The following DNAH17 variants were observed in gnomAD, a reference collection of about 807,000 sequenced individuals.
The protein encoded by DNAH17 is axonemal beta dynein heavy chain 17.
Under a neutral mutation model 485.6 loss-of-function variants are expected in DNAH17, and 376 were observed. That is an observed-to-expected ratio of 0.77 (90% CI 0.71 to 0.84). The LOEUF is 0.84. Among genes scored for constraint, DNAH17 ranks in the 40% least tolerant of loss-of-function variants. The pLI is 0.00. For synonymous variants in DNAH17, 3,031 were observed against 2,405.9 expected (o/e 1.26, Z -7.60); for missense variants, 6,370 against 5,839.3 (o/e 1.09, Z -2.96).
chr17:78,516,549 G>A (rs970995744), intron 25 of DNAH17, among the ~76,000 whole-genome samples: 14 of 152,164 alleles, frequency 9.2e-5, no homozygotes, highest in African/African-American at 3.4e-4. Flanking sequence ...AATTAGCCGG[G>A]CGTGATGGCA....
chr17:78,509,714 G>C (rs5010160), intron 27 of DNAH17, among the ~76,000 whole-genome samples: 91,974 of 150,484 alleles, frequency 0.61, 28,356 homozygotes, highest in African/African-American at 0.67. Flanking sequence ...CAACCCTCCC[G>C]TCAGCTGCGG....
rs753651389 is a variant in DNAH17 at position 78,460,033 on chromosome 17, G to A, written c.9436-32C>T. On this transcript the variant is annotated intron_variant, in intron 59 of 80. Transcript: ENST00000389840. ...ATGACAGACGGGATGGGTCCGATGG[G>A]AGTTTGGACCGGGTCCTCGGTGATG... 2.4e-5 allele frequency: 39 copies of A among 1,609,754 alleles called. No individual in the cohort carries two copies. In the Admixed American group the frequency reaches 6.2e-4, roughly 26 times the overall value.
At chr17:78,522,989 G>A (rs2090972696) in intron 25 of DNAH17, among the ~76,000 whole-genome samples, 1 of 152,004 alleles carries the variant, frequency 6.6e-6, no homozygotes, top group South Asian at 2.1e-4. Flanking sequence ...GAGTAGCTGG[G>A]ATCACAAGTG....
Position 78,426,481 on chromosome 17 carries a change from G to A in DNAH17, c.12891C>T (p.Tyr4297=), listed in dbSNP as rs141279735. 509 of 1,610,492 alleles carry A rather than the reference G, an allele frequency of 3.2e-4. 2 individuals carry two copies. In the African/African-American group the frequency reaches 5.1e-3, roughly 16 times the overall value. The change falls in exon 79 of 81, where the codon TAC becomes TAT. Residue 4297 remains tyrosine (Y), a synonymous_variant. Coordinates refer to ENST00000389840, the MANE Select transcript of DNAH17 (RefSeq NM_173628.4). ...YPSMMGLAAW[Y]ADLLLRIREL... ...CCCTGATGCGGAGCAGCAGGTCTGCGTACCAGGCCGCCAGGCCCATCATGG... is the reference window on the plus strand; with the variant it reads ...CCCTGATGCGGAGCAGCAGGTCTGCATACCAGGCCGCCAGGCCCATCATGG...
chr17:78,424,422 C>G (rs945319849), intron 80 of DNAH17: 1 of 422,804 alleles, frequency 2.4e-6, no homozygotes, highest in Admixed American at 3.9e-5. Flanking sequence ...TTCAGAGCCT[C>G]ATCTGTCAGC....
At chr17:78,559,021 T>A (rs1410111860) in intron 13 of DNAH17, among the ~76,000 whole-genome samples, 1 of 152,202 alleles carries the variant, frequency 6.6e-6, no homozygotes. Context: ...TTTGATAATC[T>A]CAAGATGTCC....
At chr17:78,548,576 TGA>T (rs1316941738) in intron 16 of DNAH17, among the ~76,000 whole-genome samples, 1 of 152,232 alleles carries the variant, frequency 6.6e-6, no homozygotes, top group African/African-American at 2.4e-5. Flanking sequence ...TGTGTTTTTC[TGA>T]GATATCTAAA....
At chr17:78,493,620 G>T (rs11077374) in intron 41 of DNAH17, among the ~76,000 whole-genome samples, 35,663 of 152,166 alleles carry the variant, frequency 0.23, 4,451 homozygotes, top group South Asian at 0.29. Flanking sequence ...TGGGCCTCTG[G>T]CCGGACACTT....
In DNAH17 at chr17:78,444,721, A is replaced by G. The variant is rs764011279; in HGVS notation, c.11411T>C (p.Val3804Ala). 2 of 1,606,120 alleles carry G rather than the reference A, an allele frequency of 1.2e-6. No homozygotes were observed. The highest frequency in any genetic ancestry group is 1.1e-5 in the South Asian group (1 of 90,812). Residue 3804 changes from valine (V) to alanine (A), a missense_variant, in exon 71 of 81, where the codon GTG becomes GCG. Coordinates refer to ENST00000389840, the MANE Select transcript of DNAH17 (RefSeq NM_173628.4). ...CTCCTTCTCGGGGGCTTCCGACTCC[A>G]CCAGCTTTTTCCAGCGCTTGGCAGA... ...EGSAKRWKKL[V>A]ESEAPEKEIF... is the part of the protein sequence containing the mutation.
intron 1 of DNAH17, among the ~76,000 whole-genome samples, chr17:78,576,672 C>T (rs745922500): frequency 7.2e-5 from 11 of 152,128 alleles, no homozygotes; most frequent in Admixed American, 1.3e-4. Context: ...TTGGAAGTCT[C>T]GCCAAGCTGG....
In DNAH17 at chr17:78,514,998, T is replaced by C. The variant is rs1296703098; in HGVS notation, c.3889A>G (p.Lys1297Glu). Reference sequence around the variant, plus strand: ...TTGATATCTTTCCACTTGGTGGTCTTCCAGTCCTCGATGCTGGTATTTACC... The same window carrying C: ...TTGATATCTTTCCACTTGGTGGTCTCCCAGTCCTCGATGCTGGTATTTACC... ...VVVNTSIEDW[K>E]TTKWKDINVE... Residue 1297 changes from lysine to glutamate, a missense_variant, in exon 26 of 81, where the codon AAG becomes GAG. Physicochemically the swap from Lys to Glu is moderately conservative, Grantham distance 56. Coordinates refer to ENST00000389840, the MANE Select transcript of DNAH17 (RefSeq NM_173628.4). 1 of 1,613,924 alleles carries C rather than the reference T, an allele frequency of 6.2e-7. No homozygotes were observed. Among genetic ancestry groups the C allele is most frequent in the Non-Finnish European group, 8.5e-7 (1 of 1,179,904 alleles).
At chr17:78,454,319 A>G (rs2087692115) in intron 64 of DNAH17, 151 bp downstream of exon 64, 1 of 622,258 alleles carries the variant, frequency 1.6e-6, no homozygotes, top group Non-Finnish European at 2.8e-6. Flanking sequence ...TTCATTCTTT[A>G]CTACTGCTGC....
At position 78,433,218 on chromosome 17, in the gene DNAH17, C is replaced by T. The variant is rs118043453; in HGVS notation, c.12225+811G>A. Among the ~76,000 whole-genome samples, 1,206 of 152,298 alleles carry T rather than the reference C, an allele frequency of 7.9e-3. 7 individuals are homozygous for T. Among genetic ancestry groups the T allele is most frequent in the South Asian group, 0.031 (149 of 4,826 alleles). ...CCAGGCTTAGCCTGAGTCAAAGCTT[C>T]GTAAGAACCGTGCGTGGTGAGCACT... On this transcript the variant is annotated intron_variant, in intron 75 of 80. Coordinates refer to ENST00000389840, the MANE Select transcript of DNAH17 (RefSeq NM_173628.4).
chr17:78,544,523 C>T (rs1359672994), intron 16 of DNAH17, among the ~76,000 whole-genome samples: 1 of 151,798 alleles, frequency 6.6e-6, no homozygotes, highest in East Asian at 1.9e-4. Context: ...GGCCACTTGG[C>T]CGGGCGCGGT....
rs372826165 is a variant in DNAH17 at position 78,433,955 on chromosome 17, G to GGGAGGGAA, written c.12225+66_12225+73dup. On this transcript the variant is annotated intron_variant, in intron 75 of 80. Coordinates refer to ENST00000389840, the MANE Select transcript of DNAH17 (RefSeq NM_173628.4). Reference sequence around the variant, plus strand: ...AGGGAGGGAAGGAGGGAGGGAAGGAGGGAGGGAAGGAGGGAGGGAAGGAGG... The same window carrying GGGAGGGAA: ...AGGGAGGGAAGGAGGGAGGGAAGGAGGGAGGGAAGGAGGGAAGGAGGGAGGGAAGGAGG... 2,757 of 1,289,690 alleles carry GGGAGGGAA rather than the reference G, an allele frequency of 2.1e-3. 72 individuals are homozygous for GGGAGGGAA. The African/African-American group carries it at 0.044, about 20-fold the overall frequency. 79.9% of individuals were successfully genotyped at this position (1,289,690 alleles called of 1,614,324 possible).
intron 14 of DNAH17, among the ~76,000 whole-genome samples, chr17:78,557,904 C>T (rs575255130): frequency 6.6e-6 from 1 of 152,204 alleles, no homozygotes; most frequent in South Asian, 2.1e-4. Context: ...GGACAGAGAT[C>T]TCTGACTCCC....
At chr17:78,453,706 G>T (rs1177303341) in intron 64 of DNAH17, among the ~76,000 whole-genome samples, 1 of 152,202 alleles carries the variant, frequency 6.6e-6, no homozygotes, top group East Asian at 1.9e-4. Context: ...TTTGCTTTTT[G>T]AGACAGGGTC....
Position 78,466,640 on chromosome 17 carries a change from G to C in DNAH17, c.8940+15C>G, listed in dbSNP as rs762776601. The C allele has an allele frequency of 3.8e-6, 6 of 1,598,316 alleles. No individual in the cohort carries two copies. In the African/African-American group the frequency reaches 8.1e-5, roughly 22 times the overall value. On this transcript the variant is annotated intron_variant, in intron 56 of 80. Transcript: ENST00000389840. Reference sequence around the variant, plus strand: ...TGGGCTCTACACTCAGGCAGAGGTGGCCTCAGTGACTCACCGGAATCCCCT... The same window carrying C: ...TGGGCTCTACACTCAGGCAGAGGTGCCCTCAGTGACTCACCGGAATCCCCT...
At chr17:78,521,695 T>C (rs556028156) in intron 25 of DNAH17, among the ~76,000 whole-genome samples, 6 of 152,172 alleles carry the variant, frequency 3.9e-5, no homozygotes, top group African/African-American at 1.4e-4. Context: ...TTAAAGATTA[T>C]ACTAAAACTG....
Sources: gnomAD v4.1 joint callset for allele counts (sites outside exome capture counted in the v4.1 genomes callset) on GRCh38, gnomAD v4.1.1 for gene constraint, MANE v1.5 for transcripts, NCBI Gene and HGNC (gene_info 2026-07-23, HGNC 2026-07-21) for gene names.